CHD2: variants seen among roughly 807,000 people sequenced by gnomAD.
CHD2 encodes the protein ATP-dependent chromatin remodeler CHD2.
CHD2 carries 28 observed loss-of-function variants against 243.9 expected under a neutral mutation model. That is an observed-to-expected ratio of 0.11 (90% CI 0.09 to 0.16). The LOEUF is 0.16. CHD2 is among the 10% of genes least tolerant of loss of function. The pLI is 1.00. For synonymous variants in CHD2, 775 were observed against 779.0 expected, an observed-to-expected ratio of 0.99 and a Z score of 0.09; for missense variants, 1,386 against 2,209.8, an observed-to-expected ratio of 0.63 and a Z score of 7.47.
chr15:93,020,584 G>A (rs2054522635), intron 38 of CHD2: 2 of 520,336 alleles, frequency 3.8e-6, no homozygotes, highest in Non-Finnish European at 6.8e-6. Flanking sequence ...AGGTATCAGG[G>A]ATCCCGAGAT....
At chr15:92,980,699 G>T in intron 22 of CHD2, 116 bp from the exon 23 acceptor site, 1 of 686,390 alleles carries the variant, frequency 1.5e-6, no homozygotes. Context: ...TTTTTCTTGA[G>T]GCAGAGTTTA....
At chr15:92,959,655 C>T (rs983704938) in intron 16 of CHD2, among the ~76,000 whole-genome samples, 1 of 152,130 alleles carries the variant, frequency 6.6e-6, no homozygotes, top group African/African-American at 2.4e-5. Context: ...CCATGCTCAA[C>T]TAATTTTTTG....
At chr15:92,911,584 A>C (rs991677167) in intron 2 of CHD2, among the ~76,000 whole-genome samples, 1 of 152,076 alleles carries the variant, frequency 6.6e-6, no homozygotes, top group Middle Eastern at 3.2e-3. Context: ...CTAAAAATAC[A>C]AAAATTAGCT....
chr15:92,987,473 C>T (rs62023146), intron 26 of CHD2, among the ~76,000 whole-genome samples: 55,384 of 151,612 alleles, frequency 0.37, 11,161 homozygotes, highest in East Asian at 0.8. Flanking sequence ...TGGTGGTACA[C>T]ACCTGCAGTC....
At chr15:92,977,266 T>G (rs1032327772) in intron 20 of CHD2, among the ~76,000 whole-genome samples, 6 of 152,228 alleles carry the variant, frequency 3.9e-5, no homozygotes, top group Non-Finnish European at 8.8e-5. Context: ...TGGAATTGTT[T>G]AATTAAAATT....
chr15:93,008,056 A>G (rs754304072), intron 34 of CHD2, among the ~76,000 whole-genome samples: 1 of 152,180 alleles, frequency 6.6e-6, no homozygotes, highest in Non-Finnish European at 1.5e-5. Flanking sequence ...AGTTTTCATT[A>G]TAGGATGATG....
chr15:92,924,466 T>A lies in CHD2; in HGVS notation c.208T>A (p.Ser70Thr). 1 of 1,614,112 alleles carries A rather than the reference T, an allele frequency of 6.2e-7. No homozygotes were observed. The highest frequency in any genetic ancestry group is 8.5e-7 in the Non-Finnish European group (1 of 1,180,024). ...SESQSESESESAGSKSQPVLP... is the reference protein window; with the variant it reads ...SESQSESESETAGSKSQPVLP... Reference sequence around the variant, plus strand: ...GAGTCAGTCGGAATCTGAGAGCGAATCAGCAGGTTCCAAATCCCAGCCAGT... The same window carrying A: ...GAGTCAGTCGGAATCTGAGAGCGAAACAGCAGGTTCCAAATCCCAGCCAGT... The change falls in exon 3 of 39, where the codon TCA (serine) becomes ACA (threonine). Residue 70 changes from serine to threonine, a missense_variant. Physicochemically the swap from Ser to Thr is moderately conservative, Grantham distance 58. This residue lies in a region of CHD2 where 89 missense variants were observed against 102.4 expected (regional missense o/e 0.87). Coordinates refer to ENST00000394196, the MANE Select transcript of CHD2 (RefSeq NM_001271.4).
chr15:93,002,522 A>G (rs1029054221), intron 33 of CHD2, among the ~76,000 whole-genome samples: 2 of 152,232 alleles, frequency 1.3e-5, no homozygotes, highest in African/African-American at 4.8e-5. Context: ...GTTCTTTAAA[A>G]AAGAAGGCCT....
At chr15:92,973,736 A>C (rs957960890) in intron 19 of CHD2, among the ~76,000 whole-genome samples, 1 of 152,220 alleles carries the variant, frequency 6.6e-6, no homozygotes, top group African/African-American at 2.4e-5. Flanking sequence ...CCGTGATACC[A>C]AGTAAATCAA....
At chr15:93,012,304 T>C in intron 35 of CHD2, 41 bp from the exon 36 acceptor site, 1 of 1,447,888 alleles carries the variant, frequency 6.9e-7, no homozygotes, top group Non-Finnish European at 9.4e-7. Context: ...ATTGCTTTTC[T>C]AATTCTATAA....
At chr15:92,900,862 ATTTG>A (rs2052519331) in intron 1 of CHD2, 38 bp downstream of exon 1, 8 of 404,602 alleles carry the variant, frequency 2.0e-5, no homozygotes, top group South Asian at 9.1e-5. Flanking sequence ...TTAAAGATTT[ATTTG>A]TTTAAGTTTG....
intron 34 of CHD2, among the ~76,000 whole-genome samples, chr15:93,006,112 G>GTC (rs1470318333): frequency 7.2e-4 from 106 of 146,406 alleles, no homozygotes; most frequent in African/African-American, 8.8e-4. Flanking sequence ...TGCTTTTTCT[G>GTC]TCTCTCTCTC....
chr15:92,912,440 T>C (rs1211447305), intron 2 of CHD2, among the ~76,000 whole-genome samples: 3 of 152,240 alleles, frequency 2.0e-5, no homozygotes, highest in Non-Finnish European at 4.4e-5. Context: ...TACTGTAACC[T>C]CTGCCCCCTG....
intron 13 of CHD2, 161 bp downstream of exon 13, chr15:92,949,237 C>T: frequency 6.9e-7 from 1 of 1,443,142 alleles, no homozygotes; most frequent in Non-Finnish European, 9.0e-7. Flanking sequence ...GAGAGAAATG[C>T]TTCCTGGGAG....
At chr15:92,982,694 T>C (rs1384083285) in intron 24 of CHD2, among the ~76,000 whole-genome samples, 1 of 152,116 alleles carries the variant, frequency 6.6e-6, no homozygotes, top group Non-Finnish European at 1.5e-5. Flanking sequence ...GGGGAAATTG[T>C]GTGAAGTGTT....
chr15:93,026,424 G>A lies in CHD2; in HGVS notation c.*1719G>A, dbSNP rs1567169456. ...TGTGACCCTTGCTCCCTGCTACACA[G>A]AGCATCGCAGGGCTGGCCTGTGTGG... On this transcript the variant is annotated 3_prime_UTR_variant, in exon 39 of 39. Coordinates refer to ENST00000394196, the MANE Select transcript of CHD2 (RefSeq NM_001271.4). 1 of 152,400 alleles carries A rather than the reference G, an allele frequency of 6.6e-6. No homozygotes were observed. Among genetic ancestry groups the A allele is most frequent in the East Asian group, 1.9e-4 (1 of 5,182 alleles). The allele number at this position is 152,400 out of a possible 1,614,324, so 9.4% of individuals were successfully genotyped here. A position where few individuals can be genotyped will look rare whatever the true frequency, so the allele number is the denominator to read the frequency against.
At chr15:92,992,782 G>C in intron 27 of CHD2, 77 bp from the exon 28 acceptor site, 1 of 1,548,736 alleles carries the variant, frequency 6.5e-7, no homozygotes, top group South Asian at 1.1e-5. Context: ...GATTATGTGA[G>C]GCCTAGTGGC....
chr15:93,017,068 C>T (rs1361100302), intron 37 of CHD2, among the ~76,000 whole-genome samples: 2 of 152,088 alleles, frequency 1.3e-5, no homozygotes, highest in Admixed American at 6.5e-5. Context: ...AAATACACAC[C>T]GATTGCTAAG....
In CHD2 at chr15:92,993,166, G is replaced by C; in HGVS notation, c.3595+168G>C. Reference sequence around the variant, plus strand: ...GAGCTTAATATTCTACTCTCCTACAGGTCTACTCACAAATGAAGTTGATTT... The same window carrying C: ...GAGCTTAATATTCTACTCTCCTACACGTCTACTCACAAATGAAGTTGATTT... On this transcript the variant is annotated intron_variant, in intron 28 of 38. Transcript: ENST00000394196. 4.8e-6 allele frequency: 3 copies of C among 622,374 alleles called. No individual in the cohort carries two copies. In the South Asian group the frequency reaches 6.2e-5, roughly 13 times the overall value. 38.6% of individuals were successfully genotyped at this position (622,374 alleles called of 1,614,324 possible). A position where few individuals can be genotyped will look rare whatever the true frequency, so the allele number is the denominator to read the frequency against.
Sources: gnomAD v4.1 joint callset for allele counts (sites outside exome capture counted in the v4.1 genomes callset) on GRCh38, gnomAD v4.1.1 for gene constraint, gnomAD v4.1.1 regional missense constraint, MANE v1.5 for transcripts, NCBI Gene and HGNC (gene_info 2026-07-23, HGNC 2026-07-21) for gene names.